The following CCSER1 variants were observed in gnomAD, a reference collection of about 807,000 sequenced individuals.
CCSER1 encodes the protein coiled-coil serine rich protein 1.
Under a neutral mutation model 82.0 loss-of-function variants are expected in CCSER1, and 41 were observed. That is an observed-to-expected ratio of 0.50 (90% CI 0.39 to 0.65). The LOEUF is 0.65. CCSER1 is among the 30% of genes least tolerant of loss of function. The pLI is 0.00. For synonymous variants in CCSER1, 414 were observed against 383.9 expected, an observed-to-expected ratio of 1.08 and a Z score of -0.92; for missense variants, 1,119 against 1,064.2, an observed-to-expected ratio of 1.05 and a Z score of -0.72.
At chr4:91,402,748 GTCTA>G (rs199965985) in intron 10 of CCSER1, among the ~76,000 whole-genome samples, 3,295 of 152,160 alleles carry the variant, frequency 0.022, 93 homozygotes, top group African/African-American at 0.073. Flanking sequence ...TGTTCTATTG[GTCTA>G]TCTCTCTGTT....
intron 9 of CCSER1, among the ~76,000 whole-genome samples, chr4:90,963,762 A>G (rs1734269683): frequency 1.3e-5 from 2 of 152,198 alleles, no homozygotes. Flanking sequence ...CTCACATGGC[A>G]TTTAAGCCAC....
At chr4:91,235,211 C>G (rs1738911754) in intron 10 of CCSER1, among the ~76,000 whole-genome samples, 1 of 151,926 alleles carries the variant, frequency 6.6e-6, no homozygotes. Context: ...ACTTGTTTCC[C>G]CCTATTGGAA....
intron 9 of CCSER1, among the ~76,000 whole-genome samples, chr4:91,023,229 G>T (rs1740171313): frequency 6.6e-6 from 1 of 152,090 alleles, no homozygotes; most frequent in Non-Finnish European, 1.5e-5. Context: ...TGGCCATACT[G>T]CCCAAGGTAA....
intron 4 of CCSER1, among the ~76,000 whole-genome samples, chr4:90,456,779 C>T (rs1215789415): frequency 6.6e-6 from 1 of 152,084 alleles, no homozygotes; most frequent in African/African-American, 2.4e-5. Context: ...AGGGATTCCC[C>T]AAAAAAGGAC....
chr4:90,372,948 G>A (rs192027553), intron 3 of CCSER1, among the ~76,000 whole-genome samples: 31 of 151,640 alleles, frequency 2.0e-4, no homozygotes, highest in Admixed American at 2.0e-3. Context: ...AAAGGATAAA[G>A]GAGATGCAAA....
chr4:91,529,795 T>G (rs1007086137), intron 10 of CCSER1, among the ~76,000 whole-genome samples: 1 of 152,152 alleles, frequency 6.6e-6, no homozygotes, highest in African/African-American at 2.4e-5. Context: ...ATATGTTCTC[T>G]CCTTTATTTC....
intron 10 of CCSER1, among the ~76,000 whole-genome samples, chr4:91,228,223 A>C (rs1738358570): frequency 6.6e-6 from 1 of 152,242 alleles, no homozygotes; most frequent in Non-Finnish European, 1.5e-5. Context: ...TTCTTAAAGT[A>C]CAATTTTGAA....
At chr4:91,089,561 T>C (rs567353661) in intron 10 of CCSER1, among the ~76,000 whole-genome samples, 1 of 152,236 alleles carries the variant, frequency 6.6e-6, no homozygotes, top group Non-Finnish European at 1.5e-5. Flanking sequence ...ACTTATGTCT[T>C]CCCGTGCAAT....
chr4:91,215,983 C>G (rs1267213294), intron 10 of CCSER1, among the ~76,000 whole-genome samples: 1 of 152,156 alleles, frequency 6.6e-6, no homozygotes, highest in Non-Finnish European at 1.5e-5. Flanking sequence ...TGTTTTGATC[C>G]TCTCCCTCTT....
chr4:90,757,587 G>A (rs768367178), intron 7 of CCSER1, among the ~76,000 whole-genome samples: 13 of 152,292 alleles, frequency 8.5e-5, no homozygotes, highest in South Asian at 4.1e-4. Context: ...CTGGTTCTAC[G>A]TAGTGCTCCA....
At chr4:91,574,284 T>G (rs2110293445) in intron 10 of CCSER1, among the ~76,000 whole-genome samples, 1 of 152,210 alleles carries the variant, frequency 6.6e-6, no homozygotes. Context: ...CTTATACATA[T>G]ATTCAGTGTT....
intron 10 of CCSER1, among the ~76,000 whole-genome samples, chr4:91,201,480 G>T (rs1017419163): frequency 6.6e-6 from 1 of 152,036 alleles, no homozygotes; most frequent in Non-Finnish European, 1.5e-5. Flanking sequence ...TGAAGGAGAT[G>T]AATTAAATGA....
intron 1 of CCSER1, among the ~76,000 whole-genome samples, chr4:90,202,789 A>C (rs1228757496): frequency 1.3e-5 from 2 of 152,186 alleles, no homozygotes; most frequent in African/African-American, 4.8e-5. Flanking sequence ...TCATTTATTC[A>C]CTGAAATTAC....
intron 3 of CCSER1, among the ~76,000 whole-genome samples, chr4:90,341,935 A>G (rs1010952089): frequency 4.6e-5 from 7 of 152,150 alleles, no homozygotes; most frequent in African/African-American, 1.7e-4. Flanking sequence ...TGTAAATATA[A>G]GCTTTAGAAT....
intron 4 of CCSER1, among the ~76,000 whole-genome samples, chr4:90,454,584 T>C (rs1331449006): frequency 6.6e-6 from 1 of 152,098 alleles, no homozygotes; most frequent in Non-Finnish European, 1.5e-5. Context: ...CCTCTTCCAT[T>C]CTCCCATTTC....
chr4:91,413,905 G>GA (rs886313331), intron 10 of CCSER1, among the ~76,000 whole-genome samples: 30 of 150,694 alleles, frequency 2.0e-4, no homozygotes, highest in African/African-American at 5.1e-4. Context: ...ATTGCTGAAA[G>GA]AAAAAAAAAC....
chr4:90,420,189 T>C (rs750551601), intron 4 of CCSER1, among the ~76,000 whole-genome samples: 2 of 151,984 alleles, frequency 1.3e-5, no homozygotes, highest in Non-Finnish European at 2.9e-5. Context: ...ATTTACAAAT[T>C]GACCAATTGA....
At chr4:91,469,326 A>G (rs1051757322) in intron 10 of CCSER1, among the ~76,000 whole-genome samples, 1 of 152,226 alleles carries the variant, frequency 6.6e-6, no homozygotes, top group Non-Finnish European at 1.5e-5. Context: ...TCAGTAGAAC[A>G]TAGTTTTTAA....
chr4:90,578,596 GGACCTCTCC>G (rs1176590091), intron 5 of CCSER1, among the ~76,000 whole-genome samples: 1 of 152,072 alleles, frequency 6.6e-6, no homozygotes, highest in Non-Finnish European at 1.5e-5. Context: ...TGATTACATT[GGACCTCTCC>G]AATATCCAGA....
Sources: allele counts gnomAD v4.1 joint callset (sites outside exome capture counted in the v4.1 genomes callset), GRCh38; gene constraint gnomAD v4.1.1; transcripts MANE v1.5; gene names NCBI Gene and HGNC (gene_info 2026-07-23, HGNC 2026-07-21).